DPP10: variants seen among roughly 807,000 people sequenced by gnomAD.
DPP10 encodes the protein inactive dipeptidyl peptidase 10.
DPP10 carries 33 observed loss-of-function variants against 120.9 expected under a neutral mutation model. The observed-to-expected ratio is 0.27, with a 90% CI of 0.21 to 0.37. The LOEUF is 0.37. Among genes scored for constraint, DPP10 ranks in the 10% least tolerant of loss-of-function variants. The pLI is 1.00. For synonymous variants in DPP10, 337 were observed against 326.1 expected (o/e 1.03, Z -0.36); for missense variants, 816 against 942.8 (o/e 0.87, Z 1.76).
chr2:115,744,666 G>C (rs1677719833), intron 9 of DPP10, among the ~76,000 whole-genome samples: 1 of 150,218 alleles, frequency 6.7e-6, no homozygotes, highest in Non-Finnish European at 1.5e-5. Flanking sequence ...CCACAGATGT[G>C]CTAGTCTCTT....
chr2:114,622,406 C>CTT (rs11358430), intron 1 of DPP10, among the ~76,000 whole-genome samples: 1 of 143,280 alleles, frequency 7.0e-6, no homozygotes, highest in Admixed American at 7.0e-5. Flanking sequence ...ATCCATCTAT[C>CTT]TTTTTTTTTT....
intron 1 of DPP10, among the ~76,000 whole-genome samples, chr2:115,123,669 C>T (rs549330602): frequency 2.4e-4 from 36 of 152,150 alleles, no homozygotes; most frequent in African/African-American, 8.2e-4. Flanking sequence ...CAGCTGAGAC[C>T]AATTATTATT....
chr2:115,116,031 T>C (rs2049486882), intron 1 of DPP10, among the ~76,000 whole-genome samples: 1 of 152,208 alleles, frequency 6.6e-6, no homozygotes, highest in Admixed American at 6.5e-5. Flanking sequence ...CATTTAATAT[T>C]CTCAACTGCT....
intron 1 of DPP10, among the ~76,000 whole-genome samples, chr2:115,043,473 A>G (rs1371424440): frequency 1.3e-5 from 2 of 152,226 alleles, no homozygotes; most frequent in Non-Finnish European, 2.9e-5. Flanking sequence ...ACGCATTTAA[A>G]AAGTCTTCTT....
chr2:115,163,893 C>A (rs2052629332), intron 1 of DPP10, among the ~76,000 whole-genome samples: 1 of 152,044 alleles, frequency 6.6e-6, no homozygotes, highest in South Asian at 2.1e-4. Flanking sequence ...AGTGGACACG[C>A]TGTCTATACA....
At chr2:115,775,709 C>T (rs930987837) in intron 13 of DPP10, among the ~76,000 whole-genome samples, 3 of 151,740 alleles carry the variant, frequency 2.0e-5, no homozygotes, top group Non-Finnish European at 2.9e-5. Flanking sequence ...GTAACCAACA[C>T]GAAATTAAAA....
chr2:115,503,446 T>C (rs1391250863), intron 4 of DPP10, among the ~76,000 whole-genome samples: 2 of 152,128 alleles, frequency 1.3e-5, no homozygotes, highest in Non-Finnish European at 2.9e-5. Flanking sequence ...AGGTGCCCTA[T>C]TGAAACAACA....
intron 1 of DPP10, among the ~76,000 whole-genome samples, chr2:115,241,493 C>T (rs1052019865): frequency 1.3e-5 from 2 of 152,122 alleles, no homozygotes; most frequent in Non-Finnish European, 2.9e-5. Flanking sequence ...AAGCAGTATG[C>T]ACTTATTCAC....
chr2:115,582,082 G>T (rs534466636), intron 5 of DPP10, among the ~76,000 whole-genome samples: 1 of 152,248 alleles, frequency 6.6e-6, no homozygotes, highest in East Asian at 1.9e-4. Context: ...TGGAAGAGGG[G>T]CAAGCGGGTG....
intron 5 of DPP10, among the ~76,000 whole-genome samples, chr2:115,649,358 T>C (rs1415925006): frequency 2.0e-5 from 3 of 152,090 alleles, no homozygotes; most frequent in African/African-American, 4.8e-5. Flanking sequence ...ATGAAGAATA[T>C]TGTGTTCAAA....
chr2:115,003,190 A>C (rs1029072860), intron 1 of DPP10, among the ~76,000 whole-genome samples: 11 of 151,458 alleles, frequency 7.3e-5, no homozygotes, highest in African/African-American at 2.4e-4. Flanking sequence ...AAAAAAAAAA[A>C]AACAATGAAA....
intron 3 of DPP10, among the ~76,000 whole-genome samples, chr2:115,362,657 C>A (rs2064855424): frequency 6.6e-6 from 1 of 152,028 alleles, no homozygotes; most frequent in Non-Finnish European, 1.5e-5. Flanking sequence ...TAAAAAATAA[C>A]CTCTAAGTTC....
chr2:115,103,966 C>T (rs1324249504), intron 1 of DPP10, among the ~76,000 whole-genome samples: 2 of 152,004 alleles, frequency 1.3e-5, no homozygotes, highest in South Asian at 2.1e-4. Context: ...GAATAGAACC[C>T]AAGTCTGAAA....
intron 1 of DPP10, among the ~76,000 whole-genome samples, chr2:115,090,221 A>G (rs1055656485): frequency 6.6e-6 from 1 of 152,318 alleles, no homozygotes; most frequent in African/African-American, 2.4e-5. Context: ...GCAAAGAAGA[A>G]TTCTACTCAA....
At chr2:115,803,652 G>C (rs1685545884) in intron 19 of DPP10, among the ~76,000 whole-genome samples, 1 of 152,090 alleles carries the variant, frequency 6.6e-6, no homozygotes, top group African/African-American at 2.4e-5. Flanking sequence ...CTCAGCATTT[G>C]CTTGTCTGTA....
At chr2:114,997,894 A>G (rs996780131) in intron 1 of DPP10, among the ~76,000 whole-genome samples, 2 of 152,230 alleles carry the variant, frequency 1.3e-5, no homozygotes, top group Non-Finnish European at 2.9e-5. Context: ...CGTCATCTAA[A>G]GATGAAATTC....
At chr2:115,568,035 A>C (rs903329354) in intron 5 of DPP10, among the ~76,000 whole-genome samples, 2 of 152,086 alleles carry the variant, frequency 1.3e-5, no homozygotes, top group African/African-American at 4.8e-5. Context: ...AAAATTAGCC[A>C]GGCATAGTGG....
chr2:114,582,825 A>G (rs186574848), intron 1 of DPP10, among the ~76,000 whole-genome samples: 1 of 140,670 alleles, frequency 7.1e-6, no homozygotes, highest in African/African-American at 2.6e-5. Context: ...TATCTAACCA[A>G]TTAAAAATTT....
At chr2:115,659,461 G>A (rs987750755) in intron 5 of DPP10, among the ~76,000 whole-genome samples, 1 of 152,034 alleles carries the variant, frequency 6.6e-6, no homozygotes, top group Admixed American at 6.6e-5. Flanking sequence ...TCCAGATAGA[G>A]TTAACCTTAA....
Sources: allele counts gnomAD v4.1 joint callset (sites outside exome capture counted in the v4.1 genomes callset), GRCh38; gene constraint gnomAD v4.1.1; transcripts MANE v1.5; gene names NCBI Gene and HGNC (gene_info 2026-07-23, HGNC 2026-07-21).